RAD18: variants seen among roughly 807,000 people sequenced by gnomAD.
The protein encoded by RAD18 is E3 ubiquitin-protein ligase RAD18.
In RAD18, 47 loss-of-function variants were observed where a neutral mutation model predicts 60.4. The ratio of observed to expected loss-of-function variants is 0.78; its 90% CI spans 0.62 to 0.99. The LOEUF (loss-of-function observed/expected upper bound fraction) is 0.99, where lower values mean the gene tolerates loss of function less well. Ranked by LOEUF, RAD18 falls within the 50% of genes least tolerant of loss-of-function variation. The probability of loss-of-function intolerance (pLI) is 0.00; values close to 1 mark genes in which losing one functional copy is unlikely to be tolerated. For synonymous variants in RAD18, 225 were observed against 195.5 expected, an observed-to-expected ratio of 1.15 and a Z score of -1.26; for missense variants, 640 against 593.3, an observed-to-expected ratio of 1.08 and a Z score of -0.82.
chr3:8,898,123 T>C (rs892959940), intron 11 of RAD18, among the ~76,000 whole-genome samples: 3 of 152,004 alleles, frequency 2.0e-5, no homozygotes, highest in Non-Finnish European at 2.9e-5. Flanking sequence ...AGCTTTACCA[T>C]AGCATCAGGT....
At chr3:8,896,129 A>G (rs1939778016) in intron 11 of RAD18, among the ~76,000 whole-genome samples, 1 of 152,234 alleles carries the variant, frequency 6.6e-6, no homozygotes, top group Admixed American at 6.5e-5. Context: ...TAAAACCCCC[A>G]GAACCAGGGT....
intron 12 of RAD18, among the ~76,000 whole-genome samples, chr3:8,887,843 T>C (rs1171885520): frequency 6.6e-6 from 1 of 152,140 alleles, no homozygotes; most frequent in Admixed American, 6.5e-5. Context: ...CCTGCTGGCA[T>C]AAGGAGAGGC....
intron 12 of RAD18, among the ~76,000 whole-genome samples, chr3:8,885,029 C>CAA (rs1939533763): frequency 6.6e-6 from 1 of 152,236 alleles, no homozygotes; most frequent in Non-Finnish European, 1.5e-5. Flanking sequence ...AGGCATCTAT[C>CAA]TACTGTTAAA....
intron 7 of RAD18, among the ~76,000 whole-genome samples, chr3:8,929,197 C>A (rs982257516): frequency 4.0e-5 from 6 of 151,370 alleles, no homozygotes; most frequent in Non-Finnish European, 8.8e-5. Context: ...CAAATTAAAC[C>A]TAAAGTAAGT....
chr3:8,896,433 A>G (rs1202830262), intron 11 of RAD18, among the ~76,000 whole-genome samples: 6 of 152,094 alleles, frequency 3.9e-5, no homozygotes, highest in African/African-American at 1.2e-4. Context: ...AGCAAAAAAA[A>G]GCAGAAGAAA....
chr3:8,899,866 T>C (rs2125050346), intron 10 of RAD18, among the ~76,000 whole-genome samples: 1 of 152,304 alleles, frequency 6.6e-6, no homozygotes, highest in East Asian at 1.9e-4. Context: ...CATGTGCTAA[T>C]AATACTACAG....
chr3:8,902,267 T>C, intron 10 of RAD18, 113 bp downstream of exon 10: 1 of 1,018,166 alleles, frequency 9.8e-7, no homozygotes, highest in South Asian at 2.4e-5. Context: ...AAATACTTTT[T>C]CTCATTTCAA....
chr3:8,928,962 A>G (rs1575551510), intron 7 of RAD18, among the ~76,000 whole-genome samples: 1 of 15,630 alleles, frequency 6.4e-5, no homozygotes, highest in Non-Finnish European at 1.9e-4. Context: ...AGAAATAACC[A>G]AAATCTTTAA....
At chr3:8,959,144 G>T in intron 1 of RAD18, 143 bp from the exon 2 acceptor site, 1 of 678,466 alleles carries the variant, frequency 1.5e-6, no homozygotes, top group Non-Finnish European at 2.6e-6. Context: ...CAGATAAACT[G>T]CAAGGGATCT....
intron 7 of RAD18, among the ~76,000 whole-genome samples, chr3:8,919,618 A>C (rs2125058004): frequency 6.6e-6 from 1 of 152,370 alleles, no homozygotes; most frequent in East Asian, 1.9e-4. Flanking sequence ...GCGTATGTAT[A>C]TATATGCACA....
intron 1 of RAD18, among the ~76,000 whole-genome samples, chr3:8,962,860 C>T (rs569990150): frequency 1.3e-5 from 2 of 152,204 alleles, no homozygotes; most frequent in Admixed American, 1.3e-4. Context: ...TCAGAACAAA[C>T]GAGCACTACG....
At chr3:8,899,264 T>A (rs1939858403) in intron 10 of RAD18, among the ~76,000 whole-genome samples, 1 of 152,196 alleles carries the variant, frequency 6.6e-6, no homozygotes, top group South Asian at 2.1e-4. Flanking sequence ...ATTAATTAGT[T>A]TAAAAATAAA....
intron 9 of RAD18, among the ~76,000 whole-genome samples, chr3:8,907,327 G>A (rs944629319): frequency 6.6e-6 from 1 of 152,128 alleles, no homozygotes; most frequent in Non-Finnish European, 1.5e-5. Flanking sequence ...GTTATTCCAT[G>A]GCTGGAAACA....
intron 2 of RAD18, among the ~76,000 whole-genome samples, chr3:8,957,132 T>G (rs1318618966): frequency 6.6e-6 from 1 of 152,214 alleles, no homozygotes; most frequent in Non-Finnish European, 1.5e-5. Context: ...AAGTTATATT[T>G]CTTTGTGCAA....
intron 12 of RAD18, among the ~76,000 whole-genome samples, chr3:8,889,363 A>G (rs250407): frequency 0.85 from 128,885 of 151,816 alleles, 55,055 homozygotes; most frequent in African/African-American, 0.93. Flanking sequence ...GAACATCATA[A>G]TGTTATATTT....
At chr3:8,889,862 G>A (rs1044444503) in intron 12 of RAD18, among the ~76,000 whole-genome samples, 7 of 152,126 alleles carry the variant, frequency 4.6e-5, no homozygotes, top group African/African-American at 9.7e-5. Context: ...TGAAAAGATC[G>A]CTCTAGCTGC....
At chr3:8,933,589 A>G (rs1420561143) in intron 7 of RAD18, among the ~76,000 whole-genome samples, 1 of 152,220 alleles carries the variant, frequency 6.6e-6, no homozygotes, top group East Asian at 1.9e-4. Flanking sequence ...ATTTTAGAAT[A>G]AAACATCGTG....
rs376369414 is a variant in RAD18 at position 8,938,786 on chromosome 3, C to G, written c.704+768G>C. Among the ~76,000 whole-genome samples the G allele has an allele frequency of 5.9e-4, 90 of 152,320 alleles. No individual in the cohort carries two copies. In the South Asian group the frequency reaches 0.018, roughly 30 times the overall value. On this transcript the variant is annotated intron_variant, in intron 6 of 12. Transcript: ENST00000264926. ...ACTCACTGCTTCTCCAAACTACCAT[C>G]TCATCTTTCTCCCTTCATCACCAGA...
chr3:8,886,264 C>T (rs936443370), intron 12 of RAD18, among the ~76,000 whole-genome samples: 1 of 152,110 alleles, frequency 6.6e-6, no homozygotes, highest in Admixed American at 6.6e-5. Flanking sequence ...TCTATTCTAA[C>T]ATTAATGTTG....
Sources: allele counts gnomAD v4.1 joint callset (sites outside exome capture counted in the v4.1 genomes callset), GRCh38; gene constraint gnomAD v4.1.1; transcripts MANE v1.5; gene names NCBI Gene and HGNC (gene_info 2026-07-23, HGNC 2026-07-21).